The following MYOM3 variants were observed in gnomAD, a reference collection of about 807,000 sequenced individuals.
MYOM3 encodes myomesin-3.
MYOM3 carries 155 observed loss-of-function variants against 191.7 expected under a neutral mutation model. That is an observed-to-expected ratio of 0.81 (90% CI 0.71 to 0.92). The LOEUF is 0.92. Ranked by LOEUF, MYOM3 falls within the 40% of genes least tolerant of loss-of-function variation. MYOM3 has a pLI of 0.00. For synonymous variants in MYOM3, 757 were observed against 762.9 expected (o/e 0.99, Z 0.13); for missense variants, 1,889 against 1,890.6 (o/e 1.00, Z 0.02).
intron 15 of MYOM3, among the ~76,000 whole-genome samples, chr1:24,086,209 C>T (rs1175847119): frequency 1.3e-5 from 2 of 152,024 alleles, no homozygotes; most frequent in Non-Finnish European, 2.9e-5. Flanking sequence ...CCAGGTCCCC[C>T]GTTATGCTGC....
chr1:24,074,122 C>T, intron 23 of MYOM3, 38 bp downstream of exon 23: 1 of 1,528,026 alleles, frequency 6.5e-7, no homozygotes, highest in African/African-American at 1.4e-5. Context: ...GGGACTCTCT[C>T]TCTGGGGAGG....
Position 24,072,003 on chromosome 1 carries a change from C to A in MYOM3, c.2979G>T (p.Lys993Asn). 4.3e-6 allele frequency: 7 copies of A among 1,614,154 alleles called. No individual in the cohort carries two copies. The highest frequency in any genetic ancestry group is 5.9e-6 in the Non-Finnish European group (7 of 1,180,022). Residue 993 changes from lysine to asparagine, a missense_variant, in exon 24 of 37, where the codon AAG becomes AAT. Lys to Asn is a moderately conservative substitution (Grantham distance 94). Transcript: ENST00000374434. ...SHTLTEEELE[K>N]LKKLSHEIRN... ...TGATCTCATGACTCAGCTTCTTCAG[C>A]TTCTCCAGCTCTGGGATAGGGGGAA...
chr1:24,096,196 G>A (rs1643877721), intron 7 of MYOM3, among the ~76,000 whole-genome samples: 1 of 152,178 alleles, frequency 6.6e-6, no homozygotes, highest in Non-Finnish European at 1.5e-5. Context: ...AGAAGGGCAG[G>A]AGGCTGCCCG....
intron 22 of MYOM3, among the ~76,000 whole-genome samples, chr1:24,074,811 G>T (rs1028752546): frequency 1.3e-5 from 2 of 152,202 alleles, no homozygotes; most frequent in Non-Finnish European, 2.9e-5. Flanking sequence ...TTGGCTGAGC[G>T]CAGTGGCTCA....
At chr1:24,093,849 G>T (rs2148556907) in intron 9 of MYOM3, among the ~76,000 whole-genome samples, 1 of 152,258 alleles carries the variant, frequency 6.6e-6, no homozygotes, top group African/African-American at 2.4e-5. Flanking sequence ...TGGGCTCAGA[G>T]CTGGGGGTGC....
intron 5 of MYOM3, among the ~76,000 whole-genome samples, chr1:24,104,098 C>A (rs1469316855): frequency 6.6e-6 from 1 of 152,174 alleles, no homozygotes; most frequent in Non-Finnish European, 1.5e-5. Context: ...CTCTCTGAGC[C>A]TTGATATCCT....
At chr1:24,088,601 A>T (rs1386168076) in intron 14 of MYOM3, among the ~76,000 whole-genome samples, 1 of 152,192 alleles carries the variant, frequency 6.6e-6, no homozygotes, top group African/African-American at 2.4e-5. Flanking sequence ...TATGTCGGAG[A>T]AAAAGGATTA....
chr1:24,091,082 T>G (rs1439159370), intron 11 of MYOM3, 86 bp from the exon 12 acceptor site: 3 of 1,438,680 alleles, frequency 2.1e-6, no homozygotes, highest in Non-Finnish European at 1.9e-6. Flanking sequence ...TTTCTCTGAC[T>G]GGGGGAGCCT....
At chr1:24,110,043 G>A (rs1427054776) in intron 1 of MYOM3, among the ~76,000 whole-genome samples, 1 of 152,212 alleles carries the variant, frequency 6.6e-6, no homozygotes, top group East Asian at 1.9e-4. Flanking sequence ...TGGGAGGCCC[G>A]TGTGCCCGCT....
At chr1:24,074,302 G>A (rs1169641892) in intron 22 of MYOM3, 33 bp from the exon 23 acceptor site, 3 of 1,544,402 alleles carry the variant, frequency 1.9e-6, no homozygotes, top group Non-Finnish European at 2.7e-6. Context: ...GGCTCTGGGA[G>A]GAGCTCCTTG....
rs375791231 is a variant in MYOM3 at position 24,080,038 on chromosome 1, G to A, written c.2564C>T (p.Pro855Leu). ...SEQWKPVTPGPISGTHLRVSD... is the reference protein window; with the variant it reads ...SEQWKPVTPGLISGTHLRVSD... ...TACCCTCAGGTGGGTGCCAGAGATG[G>A]GGCCTGGGGTGACCGGCTTCCACTG... is the stretch of plus-strand genomic sequence containing the variant. Residue 855 changes from proline to leucine, a missense_variant, in exon 20 of 37, where the codon CCC (proline) becomes CTC (leucine). Coordinates refer to ENST00000374434, the MANE Select transcript of MYOM3 (RefSeq NM_152372.4). 57 of 1,612,214 alleles carry A rather than the reference G, an allele frequency of 3.5e-5. No individual in the cohort carries two copies. The highest frequency in any genetic ancestry group is 4.5e-5 in the Non-Finnish European group (53 of 1,179,318).
chr1:24,107,418 T>C (rs1477804427), intron 3 of MYOM3, among the ~76,000 whole-genome samples, 186 bp from the exon 4 acceptor site: 1 of 152,226 alleles, frequency 6.6e-6, no homozygotes, highest in African/African-American at 2.4e-5. Flanking sequence ...CAGTCCTTAA[T>C]AGTTGACTGT....
Position 24,068,301 on chromosome 1 carries a change from C to T in MYOM3, c.3217G>A (p.Glu1073Lys). The T allele has an allele frequency of 1.2e-6, 2 of 1,614,152 alleles. No individual in the cohort carries two copies. The highest frequency in any genetic ancestry group is 1.7e-6 in the Non-Finnish European group (2 of 1,180,008). Reference sequence around the variant, plus strand: ...TGAGCGGTGTACGACCCTTTGTCCTCCTCAGACAAGTTCTGGATGATCACT... The same window carrying T: ...TGAGCGGTGTACGACCCTTTGTCCTTCTCAGACAAGTTCTGGATGATCACT... ...VEVIIQNLSE[E>K]DKGSYTAQLQ... The change falls in exon 26 of 37, where the codon GAG becomes AAG. Residue 1073 changes from glutamate to lysine, a missense_variant. Glu to Lys is a moderately conservative substitution (Grantham distance 56). Coordinates refer to ENST00000374434, the MANE Select transcript of MYOM3 (RefSeq NM_152372.4).
In MYOM3 at chr1:24,084,533, G is replaced by A. The variant is rs756110070; in HGVS notation, c.1905C>T (p.Ile635=). 6.2e-7 allele frequency: 1 copy of A among 1,614,220 alleles called. No individual in the cohort carries two copies. The highest frequency in any genetic ancestry group is 2.2e-5 in the East Asian group (1 of 44,882). The part of the protein sequence containing the change: ...VKDPELLGYY[I]YSRKVGTSEW... The stretch of plus-strand genomic sequence containing the variant: ...CAGATGTCCCCACCTTCCGGGAGTA[G>A]ATGTAATAACCCAGGAGCTCTGGGT... The change falls in exon 16 of 37, where the codon ATC becomes ATT. Residue 635 remains isoleucine (I), a synonymous_variant. Coordinates refer to ENST00000374434, the MANE Select transcript of MYOM3 (RefSeq NM_152372.4).
chr1:24,104,693 G>A (rs1187947926), intron 5 of MYOM3, among the ~76,000 whole-genome samples: 2 of 152,110 alleles, frequency 1.3e-5, no homozygotes, highest in African/African-American at 4.8e-5. Flanking sequence ...GGGACTACAG[G>A]TGCAGGCCAC....
chr1:24,084,757 T>C (rs1643715566), intron 15 of MYOM3, 118 bp from the exon 16 acceptor site: 1 of 932,766 alleles, frequency 1.1e-6, no homozygotes, highest in Admixed American at 2.3e-5. Flanking sequence ...TCAAGGTGCA[T>C]GAATTCCTGA....
chr1:24,095,842 T>A (rs1481248843), intron 7 of MYOM3, among the ~76,000 whole-genome samples: 1 of 152,134 alleles, frequency 6.6e-6, no homozygotes, highest in East Asian at 1.9e-4. Flanking sequence ...CGCGGGGATT[T>A]CTGGTGGGAT....
At chr1:24,106,258 C>A (rs1643982685) in intron 4 of MYOM3, among the ~76,000 whole-genome samples, 181 bp from the exon 5 acceptor site, 1 of 152,234 alleles carries the variant, frequency 6.6e-6, no homozygotes, top group African/African-American at 2.4e-5. Context: ...TTGGAGCCAG[C>A]TGGCCTGGGG....
At chr1:24,084,173 G>C (rs2148552531) in intron 16 of MYOM3, 1 of 350,058 alleles carries the variant, frequency 2.9e-6, no homozygotes, top group Admixed American at 4.5e-5. Flanking sequence ...TGTCCGCTTT[G>C]CTGTTGTCAA....
Sources: gnomAD v4.1 joint callset for allele counts (sites outside exome capture counted in the v4.1 genomes callset) on GRCh38, gnomAD v4.1.1 for gene constraint, MANE v1.5 for transcripts, NCBI Gene and HGNC (gene_info 2026-07-23, HGNC 2026-07-21) for gene names.